The following NUBPL variants were observed in gnomAD, a reference collection of about 807,000 sequenced individuals.
The protein encoded by NUBPL is iron-sulfur cluster transfer protein NUBPL.
In NUBPL, 31 loss-of-function variants were observed where a neutral mutation model predicts 45.7. The observed-to-expected ratio is 0.68, with a 90% CI of 0.51 to 0.92. The LOEUF is 0.92. Among genes scored for constraint, NUBPL ranks in the 40% least tolerant of loss-of-function variants. NUBPL has a pLI of 0.00. For synonymous variants in NUBPL, 144 were observed against 140.9 expected, an observed-to-expected ratio of 1.02 and a Z score of -0.15; for missense variants, 401 against 398.7, an observed-to-expected ratio of 1.01 and a Z score of -0.05.
chr14:31,689,520 T>A (rs1157380735), intron 6 of NUBPL, among the ~76,000 whole-genome samples: 1 of 152,204 alleles, frequency 6.6e-6, no homozygotes, highest in Non-Finnish European at 1.5e-5. Context: ...AGTTTTTTTT[T>A]CTTGTAAATT....
At chr14:31,572,273 G>A (rs1307101009) in intron 3 of NUBPL, among the ~76,000 whole-genome samples, 1 of 152,002 alleles carries the variant, frequency 6.6e-6, no homozygotes, top group Admixed American at 6.6e-5. Flanking sequence ...CCGAGTAGCT[G>A]GGACTACAGG....
At chr14:31,668,876 T>C (rs2036502881) in intron 4 of NUBPL, among the ~76,000 whole-genome samples, 1 of 152,038 alleles carries the variant, frequency 6.6e-6, no homozygotes, top group African/African-American at 2.4e-5. Flanking sequence ...GCCCTTTCCC[T>C]CTAACCAGTT....
intron 6 of NUBPL, among the ~76,000 whole-genome samples, chr14:31,683,504 C>T (rs1158608075): frequency 6.6e-6 from 1 of 151,528 alleles, no homozygotes; most frequent in East Asian, 1.9e-4. Flanking sequence ...GATTACAGGC[C>T]ACCACATCCA....
intron 6 of NUBPL, among the ~76,000 whole-genome samples, chr14:31,781,615 C>G (rs1566558732): frequency 6.6e-6 from 1 of 152,144 alleles, no homozygotes; most frequent in African/African-American, 2.4e-5. Flanking sequence ...AAATTGATGT[C>G]TTAAGACACT....
At chr14:31,831,523 T>C (rs1371817366) in intron 8 of NUBPL, among the ~76,000 whole-genome samples, 1 of 54,788 alleles carries the variant, frequency 1.8e-5, no homozygotes, top group African/African-American at 5.2e-5. Flanking sequence ...CATACTATAC[T>C]CATACTATAA....
intron 4 of NUBPL, among the ~76,000 whole-genome samples, chr14:31,599,910 T>C (rs867882930): frequency 3.3e-4 from 49 of 150,548 alleles, no homozygotes; most frequent in African/African-American, 1.1e-3. Flanking sequence ...TCATATACTT[T>C]ACTAGTTTTT....
At chr14:31,639,024 G>C (rs2035598028) in intron 4 of NUBPL, among the ~76,000 whole-genome samples, 1 of 152,016 alleles carries the variant, frequency 6.6e-6, no homozygotes. Flanking sequence ...CTTTGCCTTT[G>C]GTTTGAGTTT....
chr14:31,580,437 A>C (rs1279563675), intron 3 of NUBPL, among the ~76,000 whole-genome samples: 2 of 152,174 alleles, frequency 1.3e-5, no homozygotes, highest in African/African-American at 4.8e-5. Context: ...AGCTTGAGCA[A>C]CATAGTGAGA....
At chr14:31,806,661 G>C (rs1364835079) in intron 7 of NUBPL, among the ~76,000 whole-genome samples, 1 of 152,064 alleles carries the variant, frequency 6.6e-6, no homozygotes, top group Non-Finnish European at 1.5e-5. Context: ...GGGTACATGT[G>C]CACAACGTGC....
chr14:31,701,579 T>C (rs2037340939), intron 6 of NUBPL, among the ~76,000 whole-genome samples: 1 of 152,076 alleles, frequency 6.6e-6, no homozygotes, highest in Non-Finnish European at 1.5e-5. Flanking sequence ...TAACACTCAC[T>C]GCGAAGGTCT....
intron 6 of NUBPL, among the ~76,000 whole-genome samples, chr14:31,710,056 G>A (rs904433996): frequency 2.0e-5 from 3 of 152,096 alleles, no homozygotes; most frequent in Non-Finnish European, 2.9e-5. Flanking sequence ...GGATAGTATT[G>A]TAATTTGTAC....
At chr14:31,787,749 T>A (rs1271725501) in intron 6 of NUBPL, 31 bp from the exon 7 acceptor site, 46 of 1,370,852 alleles carry the variant, frequency 3.4e-5, no homozygotes, top group Middle Eastern at 1.8e-4. Flanking sequence ...TGAATTTTTA[T>A]ACAATGATAT....
chr14:31,580,544 T>A (rs2033835159), intron 3 of NUBPL, among the ~76,000 whole-genome samples: 1 of 152,022 alleles, frequency 6.6e-6, no homozygotes, highest in African/African-American at 2.4e-5. Context: ...AGCCCAGGAG[T>A]TCGAGGCTGC....
chr14:31,717,690 G>T (rs1024303520), intron 6 of NUBPL, among the ~76,000 whole-genome samples: 1 of 151,854 alleles, frequency 6.6e-6, no homozygotes, highest in Non-Finnish European at 1.5e-5. Flanking sequence ...CCCCAAGCCT[G>T]TTCCTTAGCT....
intron 10 of NUBPL, among the ~76,000 whole-genome samples, chr14:31,854,370 TATG>T (rs1277083607): frequency 6.6e-6 from 1 of 152,232 alleles, no homozygotes; most frequent in Non-Finnish European, 1.5e-5. Context: ...GTCCTTTACA[TATG>T]ATATGTGTGT....
rs12225728 is a variant in NUBPL, at chr14:31,807,202, C to G, written c.607+19329C>G. On this transcript the variant is annotated intron_variant, in intron 7 of 10. Coordinates refer to ENST00000281081, the MANE Select transcript of NUBPL (RefSeq NM_025152.3). ...GATCCTTGAGGAATCGCCACACTGT[C>G]TTCCACAATGGTTGAACTAGTTTAC... Among the ~76,000 whole-genome samples, 55 of 152,330 alleles carry G rather than the reference C, an allele frequency of 3.6e-4. 1 individual carries two copies. In the South Asian group the frequency reaches 0.011, roughly 32 times the overall value.
At position 31,659,969 on chromosome 14, in the gene NUBPL, A is replaced by G. The variant is rs185675824; in HGVS notation, c.383-13386A>G. ...AGATGGTAGGATGCCTGAGATGGGCATAGTAGGGTTCCAAGATGGTACAAA... is the reference window on the plus strand; with the variant it reads ...AGATGGTAGGATGCCTGAGATGGGCGTAGTAGGGTTCCAAGATGGTACAAA... On this transcript the variant is annotated intron_variant, in intron 4 of 10. Transcript: ENST00000281081. 6.0e-3 allele frequency among the ~76,000 whole-genome samples: 910 copies of G among 152,332 alleles called. 6 individuals carry two copies. The highest frequency in any genetic ancestry group is 8.4e-3 in the Non-Finnish European group (571 of 68,022).
At chr14:31,683,201 A>G (rs1025782518) in intron 6 of NUBPL, among the ~76,000 whole-genome samples, 4 of 151,898 alleles carry the variant, frequency 2.6e-5, no homozygotes, top group African/African-American at 9.7e-5. Context: ...AGAGACATCT[A>G]TCCAAACTAT....
At chr14:31,598,922 A>T (rs1357657566) in intron 3 of NUBPL, among the ~76,000 whole-genome samples, 1 of 152,186 alleles carries the variant, frequency 6.6e-6, no homozygotes, top group East Asian at 1.9e-4. Context: ...TGCCATCACA[A>T]ATCATTATTT....
Sources: allele counts gnomAD v4.1 joint callset (sites outside exome capture counted in the v4.1 genomes callset), GRCh38; gene constraint gnomAD v4.1.1; transcripts MANE v1.5; gene names NCBI Gene and HGNC (gene_info 2026-07-23, HGNC 2026-07-21).